Variants in MAMDC2 observed in about 807,000 individuals in gnomAD.
MAMDC2 encodes the protein MAM domain containing 2.
A neutral mutation model predicts 89.8 loss-of-function variants in MAMDC2; 57 were observed. The observed-to-expected ratio is 0.63, with a 90% CI of 0.51 to 0.79. The LOEUF (loss-of-function observed/expected upper bound fraction) is 0.79, where lower values mean the gene tolerates loss of function less well. Among genes scored for constraint, MAMDC2 ranks in the 30% least tolerant of loss-of-function variants. The pLI, the probability that MAMDC2 is intolerant of heterozygous loss-of-function variation, is 0.00. For synonymous variants in MAMDC2, 313 were observed against 293.4 expected (o/e 1.07, Z -0.68); for missense variants, 800 against 820.6 (o/e 0.97, Z 0.31).
chr9:70,199,833 G>T, intron 11 of MAMDC2, among the ~76,000 whole-genome samples: 1 of 147,706 alleles, frequency 6.8e-6, no homozygotes, highest in Admixed American at 6.8e-5. Flanking sequence ...GTGTTTTTTG[G>T]CTGCATAAAT....
At chr9:70,130,938 C>T (rs2030782035) in intron 6 of MAMDC2, among the ~76,000 whole-genome samples, 3 of 152,108 alleles carry the variant, frequency 2.0e-5, no homozygotes, top group Non-Finnish European at 4.4e-5. Context: ...GGGGCATATC[C>T]ATCAATAAAA....
intron 11 of MAMDC2, among the ~76,000 whole-genome samples, chr9:70,199,357 A>G (rs943243395): frequency 3.4e-5 from 5 of 147,132 alleles, no homozygotes; most frequent in Non-Finnish European, 7.5e-5. Context: ...AATTTCATCC[A>G]TGTCCCTACA....
In MAMDC2 at chr9:70,044,440, C is replaced by T. The variant is rs1477173985; in HGVS notation, c.35-144C>T. 6 of 803,260 alleles carry T rather than the reference C, an allele frequency of 7.5e-6. No homozygotes were observed. The East Asian group carries it at 1.6e-4, about 21-fold the overall frequency. 49.8% of individuals were successfully genotyped at this position (803,260 alleles called of 1,614,324 possible). ...CGCTCAGTGGAGGCGCCCGGGGATG[C>T]TGGGGGACAGGTACTGCATCCCTCT... is the stretch of plus-strand genomic sequence containing the variant. On this transcript the variant is annotated intron_variant, in intron 1 of 13. Coordinates refer to ENST00000377182, the MANE Select transcript of MAMDC2 (RefSeq NM_153267.5).
At chr9:70,117,185 C>A (rs2030043750) in intron 5 of MAMDC2, among the ~76,000 whole-genome samples, 1 of 152,110 alleles carries the variant, frequency 6.6e-6, no homozygotes, top group Admixed American at 6.5e-5. Flanking sequence ...ATAATAAGCA[C>A]TTTTTACATG....
chr9:70,065,517 T>G (rs1318761719), intron 2 of MAMDC2, among the ~76,000 whole-genome samples: 1 of 151,742 alleles, frequency 6.6e-6, no homozygotes, highest in African/African-American at 2.4e-5. Flanking sequence ...GGAAAAATGA[T>G]GTAATTTTCA....
intron 6 of MAMDC2, among the ~76,000 whole-genome samples, chr9:70,127,494 A>G (rs1400000956): frequency 6.6e-6 from 1 of 151,854 alleles, no homozygotes; most frequent in African/African-American, 2.4e-5. Flanking sequence ...GCTTTTTGCA[A>G]TATCTTCTCC....
intron 9 of MAMDC2, among the ~76,000 whole-genome samples, chr9:70,159,583 T>A (rs766556492): frequency 6.6e-6 from 1 of 152,190 alleles, no homozygotes; most frequent in Non-Finnish European, 1.5e-5. Flanking sequence ...CAGGAGGGGT[T>A]CATCTAGAGC....
intron 2 of MAMDC2, among the ~76,000 whole-genome samples, chr9:70,097,790 T>C (rs1215440398): frequency 1.3e-5 from 2 of 152,176 alleles, no homozygotes; most frequent in Non-Finnish European, 2.9e-5. Context: ...CTTATACCTC[T>C]TGGGTCTCAT....
chr9:70,077,079 A>G (rs1186654495), intron 2 of MAMDC2, among the ~76,000 whole-genome samples: 3 of 152,204 alleles, frequency 2.0e-5, no homozygotes, highest in Non-Finnish European at 4.4e-5. Flanking sequence ...TGTTAGCACA[A>G]TGAAAACCCT....
At chr9:70,135,856 CCCT>C (rs2030982547) in intron 7 of MAMDC2, among the ~76,000 whole-genome samples, 1 of 152,054 alleles carries the variant, frequency 6.6e-6, no homozygotes, top group Admixed American at 6.6e-5. Context: ...CCTAAAAACC[CCCT>C]CTATATCCAG....
At chr9:70,221,214 G>A (rs972500108) in intron 12 of MAMDC2, among the ~76,000 whole-genome samples, 1 of 150,520 alleles carries the variant, frequency 6.6e-6, no homozygotes, top group African/African-American at 2.5e-5. Flanking sequence ...CCAAGGCCGG[G>A]CACAGTGGCT....
At position 70,058,142 on chromosome 9, in the gene MAMDC2, G is replaced by A. The variant is rs73460504; in HGVS notation, c.148+13445G>A. Among the ~76,000 whole-genome samples, 559 of 152,276 alleles carry A rather than the reference G, an allele frequency of 3.7e-3. 3 individuals are homozygous for A. Among genetic ancestry groups the A allele is most frequent in the African/African-American group, 0.011 (476 of 41,544 alleles). On this transcript the variant is annotated intron_variant, in intron 2 of 13. Coordinates refer to ENST00000377182, the MANE Select transcript of MAMDC2 (RefSeq NM_153267.5). ...TATGAATAATGACAATTATTTTATT[G>A]AACAATTATTGAGCAATTATCACCA...
At chr9:70,214,073 A>T (rs949741189) in intron 11 of MAMDC2, among the ~76,000 whole-genome samples, 1 of 152,240 alleles carries the variant, frequency 6.6e-6, no homozygotes, top group South Asian at 2.1e-4. Context: ...GGAATGTGGC[A>T]GTGAACTAAA....
chr9:70,064,117 GA>G (rs1014467330), intron 2 of MAMDC2, among the ~76,000 whole-genome samples: 27 of 151,708 alleles, frequency 1.8e-4, no homozygotes, highest in African/African-American at 6.3e-4. Context: ...TTATAAAAAT[GA>G]TGTATATATA....
intron 2 of MAMDC2, among the ~76,000 whole-genome samples, chr9:70,107,345 G>C (rs1246645685): frequency 6.6e-6 from 1 of 152,044 alleles, no homozygotes; most frequent in Non-Finnish European, 1.5e-5. Flanking sequence ...AAGGGAAGGA[G>C]AATGAACAGA....
At position 70,146,974 on chromosome 9, in the gene MAMDC2, G is replaced by A. The variant is rs2031425398; in HGVS notation, c.1404+3155G>A. On this transcript the variant is annotated intron_variant, in intron 9 of 13. Transcript: ENST00000377182. ...AACATCAAGACTAACTGCCTCATTTGGTTGGGTGTGGTGGCTCACGCCTGT... is the reference window on the plus strand; with the variant it reads ...AACATCAAGACTAACTGCCTCATTTAGTTGGGTGTGGTGGCTCACGCCTGT... Among the ~76,000 whole-genome samples the A allele has an allele frequency of 1.4e-5, 2 of 146,710 alleles. 1 individual carries two copies. Among genetic ancestry groups the A allele is most frequent in the South Asian group, 4.4e-4 (2 of 4,528 alleles).
At chr9:70,126,718 TGGTCACAGAG>T (rs2030568548) in intron 6 of MAMDC2, among the ~76,000 whole-genome samples, 1 of 152,146 alleles carries the variant, frequency 6.6e-6, no homozygotes, top group South Asian at 2.1e-4. Context: ...CCTTGCACTG[TGGTCACAGAG>T]GGTTCAAAAG....
At chr9:70,201,718 C>T (rs975664254) in intron 11 of MAMDC2, among the ~76,000 whole-genome samples, 2 of 140,638 alleles carry the variant, frequency 1.4e-5, no homozygotes, top group African/African-American at 5.7e-5. Flanking sequence ...TTGATTATTG[C>T]CACAATTTCA....
Position 70,044,635 on chromosome 9 carries a change from A to G in MAMDC2, c.86A>G (p.Glu29Gly). The G allele has an allele frequency of 6.4e-7, 1 of 1,551,400 alleles. No homozygotes were observed. The highest frequency in any genetic ancestry group is 8.7e-7 in the Non-Finnish European group (1 of 1,146,938). The change falls in exon 2 of 14, where the codon GAA (glutamate) becomes GGA (glycine). Residue 29 changes from glutamate to glycine, a missense_variant. By Grantham distance (98) the Glu-to-Gly change is moderately conservative (BLOSUM62 -2). Coordinates refer to ENST00000377182, the MANE Select transcript of MAMDC2 (RefSeq NM_153267.5). ...CTGCCCGCTGGGTCCTGTGCCTTTG[A>G]AGAGAGCACTTGCGGCTTTGACTCC... ...LDLPAGSCAF[E>G]ESTCGFDSVL...
Sources: gnomAD v4.1 joint callset for allele counts (sites outside exome capture counted in the v4.1 genomes callset) on GRCh38, gnomAD v4.1.1 for gene constraint, MANE v1.5 for transcripts, NCBI Gene and HGNC (gene_info 2026-07-23, HGNC 2026-07-21) for gene names.